Variants in IGFBP2 observed in about 807,000 individuals in gnomAD.
IGFBP2 encodes insulin like growth factor binding protein 2.
Under a neutral mutation model 26.2 loss-of-function variants are expected in IGFBP2, and 12 were observed. That is an observed-to-expected ratio of 0.46 (90% confidence interval 0.29 to 0.74). IGFBP2 has a LOEUF of 0.74. IGFBP2 is among the 30% of genes least tolerant of loss of function. The pLI, the probability that IGFBP2 is intolerant of heterozygous loss-of-function variation, is 0.09. For synonymous variants in IGFBP2, 189 were observed against 200.6 expected, an observed-to-expected ratio of 0.94 and a Z score of 0.49; for missense variants, 328 against 441.2, an observed-to-expected ratio of 0.74 and a Z score of 2.30.
chr2:216,663,952 C>T lies in IGFBP2; in HGVS notation c.826C>T (p.Leu276=). 2 of 1,614,092 alleles carry T rather than the reference C, an allele frequency of 1.2e-6. No homozygotes were observed. The highest frequency in any genetic ancestry group is 1.7e-6 in the Non-Finnish European group (2 of 1,180,004). The change falls in exon 4 of 4, where the codon CTG becomes TTG. Residue 276 remains leucine, a synonymous_variant. Transcript: ENST00000233809. ...LYNLKQCKMS[L]NGQRGECWCV... ...CCTCTCTCCCCAGTGCAAGATGTCT[C>T]TGAACGGGCAGCGTGGGGAGTGCTG...
chr2:216,657,483 G>T (rs1697940816), intron 1 of IGFBP2, among the ~76,000 whole-genome samples: 1 of 152,210 alleles, frequency 6.6e-6, no homozygotes, highest in Non-Finnish European at 1.5e-5. Context: ...CTTCTAGGAG[G>T]GTGTGGACCT....
In IGFBP2 at chr2:216,661,900, T is replaced by A. The variant is rs1485406417; in HGVS notation, c.715T>A (p.Ser239Thr). 1.9e-6 allele frequency: 3 copies of A among 1,614,212 alleles called. No individual in the cohort carries two copies. Among genetic ancestry groups the A allele is most frequent in the Non-Finnish European group, 2.5e-6 (3 of 1,180,034 alleles). The change falls in exon 3 of 4, where the codon TCC becomes ACC. Residue 239 changes from serine (S) to threonine (T), a missense_variant. Transcript: ENST00000233809. ...QELDQVLERISTMRLPDERGP... is the reference protein window; with the variant it reads ...QELDQVLERITTMRLPDERGP... Reference sequence around the variant, plus strand: ...ACTGGACCAGGTCCTGGAGCGGATCTCCACCATGCGCCTTCCGGATGAGCG... The same window carrying A: ...ACTGGACCAGGTCCTGGAGCGGATCACCACCATGCGCCTTCCGGATGAGCG...
intron 1 of IGFBP2, among the ~76,000 whole-genome samples, chr2:216,645,747 C>G (rs978485892): frequency 2.6e-5 from 4 of 152,148 alleles, no homozygotes; most frequent in African/African-American, 9.7e-5. Flanking sequence ...TGTGGCTTAC[C>G]TGGACAGCTG....
At chr2:216,660,860 C>T in intron 2 of IGFBP2, 74 bp downstream of exon 2, 1 of 1,135,994 alleles carries the variant, frequency 8.8e-7, no homozygotes. Flanking sequence ...GGAGGGCATC[C>T]TAATAAGACC....
chr2:216,633,564 CGCCGCCGCT>C lies in IGFBP2; in HGVS notation c.44_52del (p.Pro15_Leu17del). On this transcript the variant is annotated inframe_deletion, in exon 1 of 4. Transcript: ENST00000233809. ...GGCTGCCCCGCGCTGCCGCTGCCGC[CGCCGCCGCT>C]GCTGCCGCTGCTGCTGCTGCTACTG... 5 of 64,316 alleles carry C rather than the reference CGCCGCCGCT, an allele frequency of 7.8e-5. No individual in the cohort carries two copies. Among genetic ancestry groups the C allele is most frequent in the Non-Finnish European group, 1.2e-4 (5 of 41,510 alleles). 4.0% of individuals were successfully genotyped at this position (64,316 alleles called of 1,614,324 possible).
rs9341208 is a variant in IGFBP2, at chr2:216,661,849, T to C, written c.673-9T>C. The C allele has an allele frequency of 1.6e-3, 2,633 of 1,614,088 alleles. 5 individuals are homozygous for C. Among genetic ancestry groups the C allele is most frequent in the Non-Finnish European group, 2.1e-3 (2,428 of 1,180,000 alleles). ...CACTCCGGGCGTCCCCTGCTGTCTG[T>C]GCGTGCAGACTCCCTGCCAACAGGA... On this transcript the variant is annotated splice_polypyrimidine_tract_variant and intron_variant, in intron 2 of 3. Transcript: ENST00000233809.
chr2:216,649,005 G>T (rs1028391489), intron 1 of IGFBP2, among the ~76,000 whole-genome samples: 1 of 152,216 alleles, frequency 6.6e-6, no homozygotes, highest in African/African-American at 2.4e-5. Flanking sequence ...GTGGGCGGTT[G>T]ATATTTTGTC....
At chr2:216,636,252 TCTCTC>T (rs1172083983) in intron 1 of IGFBP2, among the ~76,000 whole-genome samples, 1 of 152,086 alleles carries the variant, frequency 6.6e-6, no homozygotes, top group East Asian at 1.9e-4. Context: ...CGTCCCGTCT[TCTCTC>T]CTCTCCGAAG....
At chr2:216,661,297 T>A (rs1176394338) in intron 2 of IGFBP2, 1 of 249,378 alleles carries the variant, frequency 4.0e-6, no homozygotes, top group Admixed American at 5.2e-5. Context: ...GAAATGTGGG[T>A]CTCACTATGT....
At chr2:216,638,675 A>G (rs1697550033) in intron 1 of IGFBP2, among the ~76,000 whole-genome samples, 3 of 151,986 alleles carry the variant, frequency 2.0e-5, no homozygotes, top group Admixed American at 2.0e-4. Flanking sequence ...GTTCACACCC[A>G]TAGAAAATGG....
intron 1 of IGFBP2, among the ~76,000 whole-genome samples, chr2:216,651,781 G>A (rs984184476): frequency 1.3e-5 from 2 of 152,138 alleles, no homozygotes; most frequent in Non-Finnish European, 2.9e-5. Context: ...TTGAAACAAG[G>A]TCTTGCTTTG....
At chr2:216,658,603 A>T (rs1222182256) in intron 1 of IGFBP2, among the ~76,000 whole-genome samples, 1 of 151,970 alleles carries the variant, frequency 6.6e-6, no homozygotes, top group East Asian at 1.9e-4. Context: ...AGGCTGGAGT[A>T]CAATGGTGCG....
chr2:216,647,275 GAC>G lies in IGFBP2; in HGVS notation c.443-13278_443-13277del, dbSNP rs1285170492. On this transcript the variant is annotated intron_variant, in intron 1 of 3. Coordinates refer to ENST00000233809, the MANE Select transcript of IGFBP2 (RefSeq NM_000597.3). ...CTTCCTTCCTAAAATGTTAATTGAGGACACAGAATGTCTTCTCACCTGTCCTT... is the reference window on the plus strand; with the variant it reads ...CTTCCTTCCTAAAATGTTAATTGAGGACAGAATGTCTTCTCACCTGTCCTT... Among the ~76,000 whole-genome samples the G allele has an allele frequency of 8.5e-5, 13 of 152,222 alleles. No homozygotes were observed. The East Asian group carries it at 9.7e-4, about 11-fold the overall frequency.
At chr2:216,663,850 A>AGG (rs1688704122) in intron 3 of IGFBP2, 90 bp from the exon 4 acceptor site, 1 of 1,399,170 alleles carries the variant, frequency 7.1e-7, no homozygotes, top group African/African-American at 1.4e-5. Context: ...GGTAGCTGCA[A>AGG]GGGGTGGCTG....
chr2:216,654,423 A>T (rs1314410633), intron 1 of IGFBP2, among the ~76,000 whole-genome samples: 1 of 152,236 alleles, frequency 6.6e-6, no homozygotes, highest in Non-Finnish European at 1.5e-5. Flanking sequence ...CAATGGAAGC[A>T]CAGAGAGCTT....
chr2:216,643,126 C>T (rs1261749171), intron 1 of IGFBP2, among the ~76,000 whole-genome samples: 1 of 152,202 alleles, frequency 6.6e-6, no homozygotes, highest in East Asian at 1.9e-4. Context: ...GGACCTTTCA[C>T]GTCTCTGAAC....
chr2:216,661,747 A>G (rs1344348736), intron 2 of IGFBP2, 111 bp from the exon 3 acceptor site: 1 of 1,274,472 alleles, frequency 7.8e-7, no homozygotes, highest in Non-Finnish European at 1.1e-6. Context: ...CTGTGTGACC[A>G]TGGGAAAGTC....
chr2:216,662,602 C>G (rs1340898321), intron 3 of IGFBP2: 2 of 153,552 alleles, frequency 1.3e-5, no homozygotes, highest in Admixed American at 1.3e-4. Context: ...GAGCCCTTCT[C>G]CCTCCTCTAT....
chr2:216,636,757 C>G (rs1031630532), intron 1 of IGFBP2, among the ~76,000 whole-genome samples: 4 of 152,166 alleles, frequency 2.6e-5, no homozygotes, highest in Non-Finnish European at 4.4e-5. Context: ...TGGGCTAGAC[C>G]GGTTCCTTCA....
Sources: gnomAD v4.1 joint callset for allele counts (sites outside exome capture counted in the v4.1 genomes callset) on GRCh38, gnomAD v4.1.1 for gene constraint, MANE v1.5 for transcripts, NCBI Gene and HGNC (gene_info 2026-07-23, HGNC 2026-07-21) for gene names.